The following YLPM1 variants were observed in gnomAD, a reference collection of about 807,000 sequenced individuals.
The protein encoded by YLPM1 is YLP motif-containing protein 1.
Under a neutral mutation model 230.0 loss-of-function variants are expected in YLPM1, and 99 were observed. The observed-to-expected ratio is 0.43, with a 90% CI of 0.37 to 0.51. YLPM1 has a LOEUF of 0.51. Ranked by LOEUF, YLPM1 falls within the 20% of genes least tolerant of loss-of-function variation. The probability of loss-of-function intolerance (pLI) is 0.00; values close to 1 mark genes in which losing one functional copy is unlikely to be tolerated. For missense variants in YLPM1, 2,592 were observed against 2,707.7 expected, an observed-to-expected ratio of 0.96 and a Z score of 0.95; for synonymous variants, 984 against 942.5, an observed-to-expected ratio of 1.04 and a Z score of -0.81.
intron 12 of YLPM1, 72 bp downstream of exon 12, chr14:74,816,337 T>C: frequency 6.7e-7 from 1 of 1,483,276 alleles, no homozygotes; most frequent in East Asian, 2.4e-5. Context: ...TTCTTATTAA[T>C]AGCAAGCAAC....
intron 6 of YLPM1, among the ~76,000 whole-genome samples, chr14:74,806,948 T>C (rs1467381055): frequency 6.6e-6 from 1 of 152,208 alleles, no homozygotes; most frequent in Non-Finnish European, 1.5e-5. Flanking sequence ...TTTATAAGTA[T>C]ACATCTATGA....
chr14:74,824,741 AAATG>A (rs1417146204), intron 18 of YLPM1, among the ~76,000 whole-genome samples: 1 of 152,116 alleles, frequency 6.6e-6, no homozygotes, highest in African/African-American at 2.4e-5. Context: ...CTTGTATAAT[AAATG>A]AGAGTTTCTG....
intron 4 of YLPM1, among the ~76,000 whole-genome samples, chr14:74,787,556 C>T (rs891378987): frequency 3.3e-5 from 5 of 149,484 alleles, no homozygotes; most frequent in African/African-American, 1.2e-4. Context: ...AGTGACAGAG[C>T]GAGAACGAGA....
intron 4 of YLPM1, among the ~76,000 whole-genome samples, chr14:74,792,121 G>A (rs975708551): frequency 4.6e-5 from 7 of 151,944 alleles, no homozygotes; most frequent in African/African-American, 1.5e-4. Context: ...GCCCTAAAGC[G>A]GCATACTTTT....
Position 74,809,802 on chromosome 14 carries a change from G to A in YLPM1, c.4939+5G>A, listed in dbSNP as rs1486375436. ...TTGATTATGGCCATGGCCGAGGTGA[G>A]TAATGATAGTGCACTTGTATTTGGG... On this transcript the variant is annotated splice_donor_5th_base_variant and intron_variant, in intron 7 of 20. Transcript: ENST00000325680. 1.9e-6 allele frequency: 3 copies of A among 1,613,422 alleles called. No individual in the cohort carries two copies. Among genetic ancestry groups the A allele is most frequent in the Non-Finnish European group, 2.5e-6 (3 of 1,179,726 alleles).
At chr14:74,784,903 C>T (rs1356289186) in intron 4 of YLPM1, among the ~76,000 whole-genome samples, 2 of 152,200 alleles carry the variant, frequency 1.3e-5, no homozygotes, top group African/African-American at 4.8e-5. Flanking sequence ...CTTTGAAGGG[C>T]CTTTAGTTTG....
intron 1 of YLPM1, among the ~76,000 whole-genome samples, chr14:74,776,731 G>T: frequency 6.6e-6 from 1 of 152,172 alleles, no homozygotes; most frequent in East Asian, 1.9e-4. Context: ...GTTTGTGAAT[G>T]ACTGGGAAAG....
At chr14:74,812,869 C>A (rs2091447269) in intron 11 of YLPM1, 87 bp downstream of exon 11, 1 of 1,450,568 alleles carries the variant, frequency 6.9e-7, no homozygotes, top group Non-Finnish European at 9.2e-7. Flanking sequence ...CTTTATTTTT[C>A]TGCAACATAG....
Position 74,799,334 on chromosome 14 carries a change from A to G in YLPM1, c.4037A>G (p.Tyr1346Cys), listed in dbSNP as rs760752959. Residue 1346 changes from tyrosine (Y) to cysteine (C), a missense_variant, in exon 5 of 21, where the codon TAT (tyrosine) becomes TGT (cysteine). This residue lies in a region of YLPM1 where 1,862 missense variants were observed against 1,819.8 expected (regional missense o/e 1.02). Transcript: ENST00000325680. ...PLPPLPPLDR[Y>C]RDDRWREERN... ...CCACCTCTTCCACCTTTGGATAGAT[A>G]TCGGGATGATAGATGGAGAGAAGAA... is the stretch of plus-strand genomic sequence containing the variant. The G allele has an allele frequency of 6.2e-7, 1 of 1,613,992 alleles. No homozygotes were observed. The highest frequency in any genetic ancestry group is 8.5e-7 in the Non-Finnish European group (1 of 1,179,886).
chr14:74,832,043 A>G (rs895622124), intron 19 of YLPM1, among the ~76,000 whole-genome samples: 1 of 152,208 alleles, frequency 6.6e-6, no homozygotes, highest in Non-Finnish European at 1.5e-5. Context: ...GAATTTGTAT[A>G]TTTTAGAAAT....
In YLPM1 at chr14:74,799,595, A is replaced by T. The variant is rs377280654; in HGVS notation, c.4298A>T (p.Asp1433Val). The T allele has an allele frequency of 2.4e-5, 38 of 1,613,992 alleles. No homozygotes were observed. The African/African-American group carries it at 4.3e-4, about 18-fold the overall frequency. Residue 1433 changes from aspartate to valine, a missense_variant, in exon 5 of 21, where the codon GAT becomes GTT. By Grantham distance (152) the Asp-to-Val change is radical. This residue lies in a region of YLPM1 where 1,862 missense variants were observed against 1,819.8 expected (regional missense o/e 1.02). Transcript: ENST00000325680. ...CATTCCTCAGAAATGATGGGGTCCG[A>T]TGCAAGCTTAGACTCTGACCAAGGC... The part of the protein sequence containing the change: ...SHHSSEMMGS[D>V]ASLDSDQGLG...
At position 74,798,543 on chromosome 14, in the gene YLPM1, G is replaced by A. The variant is rs999751254; in HGVS notation, c.3246G>A (p.Gly1082=). 2.5e-6 allele frequency: 4 copies of A among 1,613,828 alleles called. No homozygotes were observed. The highest frequency in any genetic ancestry group is 2.5e-6 in the Non-Finnish European group (3 of 1,179,890). ...MNRGEGSRDR[G]LVRPGSSREK... is the part of the protein sequence containing the mutation. ...GAGGAGAAGGTAGCCGGGACAGAGGGTTGGTGAGGCCTGGAAGCAGTCGGG... is the reference window on the plus strand; with the variant it reads ...GAGGAGAAGGTAGCCGGGACAGAGGATTGGTGAGGCCTGGAAGCAGTCGGG... Residue 1082 remains glycine (G), a synonymous_variant, in exon 5 of 21, where the codon GGG becomes GGA. Transcript: ENST00000325680.
At chr14:74,779,422 A>G (rs1374905207) in intron 2 of YLPM1, among the ~76,000 whole-genome samples, 1 of 152,160 alleles carries the variant, frequency 6.6e-6, no homozygotes. Flanking sequence ...GCTATCATAT[A>G]GAGGTATTCA....
intron 4 of YLPM1, among the ~76,000 whole-genome samples, chr14:74,787,072 A>G (rs1055907466): frequency 2.6e-5 from 4 of 151,946 alleles, no homozygotes; most frequent in Admixed American, 6.6e-5. Flanking sequence ...CACTTTTTTT[A>G]TTTGATTATT....
chr14:74,811,946 G>A (rs2091438608), intron 10 of YLPM1, among the ~76,000 whole-genome samples: 1 of 152,158 alleles, frequency 6.6e-6, no homozygotes, highest in East Asian at 1.9e-4. Context: ...ATTACTGATA[G>A]TCTCACTACC....
chr14:74,809,681 TACC>T lies in YLPM1; in HGVS notation c.4827_4829del (p.Pro1612del), dbSNP rs1449126916. On this transcript the variant is annotated inframe_deletion, in exon 7 of 21. Transcript: ENST00000325680. Reference sequence around the variant, plus strand: ...GCAGCAATTCCATCTGCTCCAGTATTACCACCCCCACCTGTTCACTCTTCCATT... The same window carrying T: ...GCAGCAATTCCATCTGCTCCAGTATTACCCCCACCTGTTCACTCTTCCATT... 1.2e-6 allele frequency: 2 copies of T among 1,613,936 alleles called. No individual in the cohort carries two copies. Among genetic ancestry groups the T allele is most frequent in the Non-Finnish European group, 1.7e-6 (2 of 1,179,906 alleles).
rs372783801 is a variant in YLPM1, at chr14:74,797,709, C to T, written c.2412C>T (p.Gly804=). 5.2e-5 allele frequency: 84 copies of T among 1,613,520 alleles called. No homozygotes were observed. The highest frequency in any genetic ancestry group is 6.8e-5 in the Non-Finnish European group (80 of 1,179,644). Residue 804 remains glycine (G), a synonymous_variant, in exon 5 of 21, where the codon GGC becomes GGT. Transcript: ENST00000325680. ...RPRYEGHPAE[G]TKSKWGMIPR... Reference sequence around the variant, plus strand: ...GATATGAAGGTCACCCAGCAGAGGGCACTAAAAGCAAGTGGGGAATGATTC... The same window carrying T: ...GATATGAAGGTCACCCAGCAGAGGGTACTAAAAGCAAGTGGGGAATGATTC...
intron 1 of YLPM1, among the ~76,000 whole-genome samples, chr14:74,777,853 C>T (rs760052923): frequency 5.3e-5 from 8 of 151,694 alleles, no homozygotes; most frequent in Non-Finnish European, 8.8e-5. Flanking sequence ...TGCATGCCTA[C>T]GAACCCAGCT....
chr14:74,791,442 C>CCCTT (rs2091206231), intron 4 of YLPM1, among the ~76,000 whole-genome samples: 1 of 152,216 alleles, frequency 6.6e-6, no homozygotes, highest in South Asian at 2.1e-4. Flanking sequence ...ACCCTTTCAA[C>CCCTT]CCTTCTGCCA....
Sources: allele counts gnomAD v4.1 joint callset (sites outside exome capture counted in the v4.1 genomes callset), GRCh38; gene constraint gnomAD v4.1.1; regional missense constraint gnomAD v4.1.1; transcripts MANE v1.5; gene names NCBI Gene and HGNC (gene_info 2026-07-23, HGNC 2026-07-21).